The following EYS variants were observed in gnomAD, a reference collection of about 807,000 sequenced individuals.
EYS encodes the protein EGF-like photoreceptor maintenance factor, also known as protein eyes shut homolog.
In EYS, 250 loss-of-function variants were observed where a neutral mutation model predicts 282.1. The ratio of observed to expected loss-of-function variants is 0.89; its 90% CI spans 0.80 to 0.98. EYS has a LOEUF of 0.98. Among genes scored for constraint, EYS ranks in the 50% least tolerant of loss-of-function variants. The pLI, the probability that EYS is intolerant of heterozygous loss-of-function variation, is 0.00. For synonymous variants in EYS, 1,355 were observed against 1,282.9 expected, an observed-to-expected ratio of 1.06 and a Z score of -1.20; for missense variants, 4,016 against 3,709.0, an observed-to-expected ratio of 1.08 and a Z score of -2.15.
At chr6:64,557,682 T>C (rs1765273862) in intron 26 of EYS, among the ~76,000 whole-genome samples, 1 of 152,054 alleles carries the variant, frequency 6.6e-6, no homozygotes, top group South Asian at 2.1e-4. Flanking sequence ...TTACTAAAAG[T>C]TTAACGGTAA....
In EYS at chr6:65,364,194, T is replaced by C. The variant is rs538663008; in HGVS notation, c.1300-10577A>G. Among the ~76,000 whole-genome samples the C allele has an allele frequency of 7.9e-5, 12 of 151,082 alleles. 1 individual carries two copies. The South Asian group carries it at 2.3e-3, about 29-fold the overall frequency. ...TTGTCTTTGTGAATTTTTGAAACTG[T>C]AGGGTAATATGATTTTTCTCAGGCT... On this transcript the variant is annotated intron_variant, in intron 8 of 42. Coordinates refer to ENST00000503581, the MANE Select transcript of EYS (RefSeq NM_001142800.2).
At chr6:63,930,373 G>A (rs1481479552) in intron 35 of EYS, among the ~76,000 whole-genome samples, 1 of 127,632 alleles carries the variant, frequency 7.8e-6, no homozygotes, top group Non-Finnish European at 1.5e-5. Context: ...GTGTTTTACT[G>A]ATAGGTAACA....
intron 31 of EYS, among the ~76,000 whole-genome samples, chr6:64,092,186 A>G (rs1405374087): frequency 3.3e-5 from 5 of 152,132 alleles, no homozygotes; most frequent in Non-Finnish European, 7.4e-5. Flanking sequence ...AGTCTTTGCT[A>G]TTGTGAATAG....
chr6:64,829,675 C>G (rs1490273420), intron 19 of EYS, among the ~76,000 whole-genome samples: 4 of 151,856 alleles, frequency 2.6e-5, no homozygotes. Context: ...GAGATGAAAG[C>G]TTTTGGGGAT....
intron 30 of EYS, among the ~76,000 whole-genome samples, chr6:64,259,732 C>G (rs893649045): frequency 6.6e-6 from 1 of 151,736 alleles, no homozygotes; most frequent in African/African-American, 2.4e-5. Flanking sequence ...ATTTCTCTAT[C>G]CTATTGCAAT....
intron 13 of EYS, among the ~76,000 whole-genome samples, chr6:65,013,400 G>A (rs769052105): frequency 1.4e-4 from 21 of 152,092 alleles, no homozygotes; most frequent in Non-Finnish European, 2.2e-4. Flanking sequence ...TGCTAGACGC[G>A]GGAGGTGGGG....
At chr6:65,500,351 G>C (rs1766406806) in intron 2 of EYS, among the ~76,000 whole-genome samples, 1 of 151,946 alleles carries the variant, frequency 6.6e-6, no homozygotes, top group African/African-American at 2.4e-5. Flanking sequence ...CTTGCATTTT[G>C]TTAAGAAAAA....
chr6:64,408,804 T>C (rs543013963), intron 28 of EYS, among the ~76,000 whole-genome samples: 5 of 152,166 alleles, frequency 3.3e-5, no homozygotes, highest in African/African-American at 1.2e-4. Flanking sequence ...GTAAGTGTGA[T>C]TTTTGCTATG....
At chr6:64,034,868 C>A (rs67579035) in intron 33 of EYS, among the ~76,000 whole-genome samples, 2,844 of 152,204 alleles carry the variant, frequency 0.019, 34 homozygotes, top group Non-Finnish European at 0.028. Context: ...TAAGCTGCAG[C>A]AAGATGAAAT....
At chr6:65,228,208 T>C (rs1231174868) in intron 12 of EYS, among the ~76,000 whole-genome samples, 1 of 151,916 alleles carries the variant, frequency 6.6e-6, no homozygotes, top group Non-Finnish European at 1.5e-5. Flanking sequence ...GGTTTTTAAA[T>C]GGTGAAATAA....
At chr6:64,518,459 A>G (rs1334013153) in intron 26 of EYS, among the ~76,000 whole-genome samples, 2 of 151,792 alleles carry the variant, frequency 1.3e-5, no homozygotes, top group African/African-American at 4.8e-5. Flanking sequence ...AATGTATGGT[A>G]TGTATATGTA....
chr6:64,508,222 A>G (rs534121442), intron 26 of EYS, among the ~76,000 whole-genome samples: 1 of 152,260 alleles, frequency 6.6e-6, no homozygotes, highest in South Asian at 2.1e-4. Flanking sequence ...CACTAAAGAA[A>G]TGTTCCAACA....
chr6:64,490,504 TTTTAA>T lies in EYS; in HGVS notation c.5645-51157_5645-51153del, dbSNP rs374589658. On this transcript the variant is annotated intron_variant, in intron 26 of 42. Transcript: ENST00000503581. The stretch of plus-strand genomic sequence containing the variant: ...TAACTCAGAGTCCAAATATTTATGC[TTTTAA>T]TTTATTTGTAATTAATGATGACAGA... Among the ~76,000 whole-genome samples, 613 of 150,972 alleles carry T rather than the reference TTTTAA, an allele frequency of 4.1e-3. 5 individuals carry two copies. The highest frequency in any genetic ancestry group is 0.014 in the African/African-American group (570 of 41,416).
intron 1 of EYS, among the ~76,000 whole-genome samples, chr6:65,654,386 T>C (rs1214578372): frequency 2.0e-5 from 3 of 151,830 alleles, no homozygotes; most frequent in Non-Finnish European, 2.9e-5. Context: ...AAAACACAAC[T>C]CTTGGGCGTG....
intron 8 of EYS, among the ~76,000 whole-genome samples, chr6:65,381,508 C>T (rs1182918825): frequency 2.0e-5 from 3 of 151,574 alleles, no homozygotes; most frequent in Non-Finnish European, 4.4e-5. Flanking sequence ...AGGACAAATA[C>T]CTAATGCATG....
intron 13 of EYS, among the ~76,000 whole-genome samples, chr6:65,026,402 A>G (rs1462613102): frequency 1.3e-5 from 2 of 152,174 alleles, no homozygotes; most frequent in Non-Finnish European, 2.9e-5. Flanking sequence ...TAGGAAGGAA[A>G]TGCATTCCAG....
At chr6:65,281,121 A>G (rs1442960015) in intron 12 of EYS, among the ~76,000 whole-genome samples, 1 of 150,668 alleles carries the variant, frequency 6.6e-6, no homozygotes, top group Non-Finnish European at 1.5e-5. Flanking sequence ...GTATATGTAC[A>G]TATACATCAT....
intron 35 of EYS, among the ~76,000 whole-genome samples, chr6:63,972,481 C>T (rs1237764828): frequency 2.0e-5 from 3 of 152,122 alleles, no homozygotes; most frequent in Non-Finnish European, 4.4e-5. Context: ...TAGCCTAGTC[C>T]TTATGTGTAA....
chr6:64,886,818 C>T lies in EYS; in HGVS notation c.2871G>A (p.Glu957=). ...CAAGTTCACAGAAGGGCCCATGGTACTCAGGTTCACAATTACAAAAAAATC... is the reference window on the plus strand; with the variant it reads ...CAAGTTCACAGAAGGGCCCATGGTATTCAGGTTCACAATTACAAAAAAATC... ...TNRFFCNCEP[E]YHGPFCELDV... The change falls in exon 19 of 43, where the codon GAG becomes GAA. Residue 957 remains glutamate, a synonymous_variant. Transcript: ENST00000503581. The T allele has an allele frequency of 6.5e-7, 1 of 1,537,006 alleles. No homozygotes were observed. Among genetic ancestry groups the T allele is most frequent in the African/African-American group, 1.4e-5 (1 of 72,248 alleles).
Sources: allele counts gnomAD v4.1 joint callset (sites outside exome capture counted in the v4.1 genomes callset), GRCh38; gene constraint gnomAD v4.1.1; transcripts MANE v1.5; gene names NCBI Gene and HGNC (gene_info 2026-07-23, HGNC 2026-07-21).